SLC22A23: variants seen among roughly 807,000 people sequenced by gnomAD.
SLC22A23 encodes solute carrier family 22 member 23.
In SLC22A23, 26 loss-of-function variants were observed where a neutral mutation model predicts 61.0. The observed-to-expected ratio is 0.43, with a 90% confidence interval of 0.31 to 0.59. The LOEUF (loss-of-function observed/expected upper bound fraction) is 0.59. Ranked by LOEUF, SLC22A23 falls within the 20% of genes least tolerant of loss-of-function variation. The pLI is 0.11. For synonymous variants in SLC22A23, 430 were observed against 413.9 expected, an observed-to-expected ratio of 1.04 and a Z score of -0.47; for missense variants, 796 against 934.7, an observed-to-expected ratio of 0.85 and a Z score of 1.94.
intron 3 of SLC22A23, among the ~76,000 whole-genome samples, chr6:3,395,357 G>A (rs138849572): frequency 1.3e-5 from 2 of 152,214 alleles, no homozygotes; most frequent in East Asian, 1.9e-4. Context: ...ACATGCGTAC[G>A]GCAAACCCTA....
intron 4 of SLC22A23, among the ~76,000 whole-genome samples, chr6:3,299,883 T>G (rs1761453711): frequency 6.6e-6 from 1 of 152,134 alleles, no homozygotes; most frequent in Admixed American, 6.6e-5. Flanking sequence ...TAGCCCTCAG[T>G]GTTCTAGTTA....
intron 5 of SLC22A23, among the ~76,000 whole-genome samples, chr6:3,295,613 T>C (rs1581635511): frequency 1.3e-5 from 2 of 151,992 alleles, no homozygotes; most frequent in Non-Finnish European, 1.5e-5. Context: ...TCGGAGCAGG[T>C]GTTGGCTGTG....
chr6:3,439,072 G>C (rs1939910932), intron 1 of SLC22A23, among the ~76,000 whole-genome samples: 1 of 147,908 alleles, frequency 6.8e-6, no homozygotes, highest in African/African-American at 2.7e-5. Context: ...TTTGGGGCCG[G>C]ATCTGACCGG....
In SLC22A23 at chr6:3,320,348, G is replaced by A. The variant is rs140800094; in HGVS notation, c.1082+3486C>T. ...GATCCCTTCTGGCCAGTCCTCACAC[G>A]TTTGTCTTTACTGCCCCTACCCCAA... is the stretch of plus-strand genomic sequence containing the variant. On this transcript the variant is annotated intron_variant, in intron 4 of 9. Transcript: ENST00000406686. 7.9e-5 allele frequency among the ~76,000 whole-genome samples: 12 copies of A among 152,204 alleles called. No individual in the cohort carries two copies. The East Asian group carries it at 9.7e-4, about 12-fold the overall frequency.
chr6:3,447,869 T>G (rs1455011963), intron 1 of SLC22A23, among the ~76,000 whole-genome samples: 1 of 146,976 alleles, frequency 6.8e-6, no homozygotes, highest in Non-Finnish European at 1.5e-5. Context: ...ATTACAGGCA[T>G]GAGCTACCAT....
chr6:3,449,396 A>G (rs2032845200), intron 1 of SLC22A23, among the ~76,000 whole-genome samples: 1 of 152,230 alleles, frequency 6.6e-6, no homozygotes, highest in African/African-American at 2.4e-5. Context: ...AAACTCGAGG[A>G]AAATGGTTAC....
intron 3 of SLC22A23, among the ~76,000 whole-genome samples, chr6:3,405,080 GA>G (rs1768712463): frequency 6.6e-6 from 1 of 152,018 alleles, no homozygotes; most frequent in Non-Finnish European, 1.5e-5. Context: ...CCAACATAGT[GA>G]AACCCTGTCT....
intron 1 of SLC22A23, among the ~76,000 whole-genome samples, chr6:3,419,358 G>C (rs1317813982): frequency 6.6e-6 from 1 of 152,110 alleles, no homozygotes. Context: ...CTTCTGGTGT[G>C]GGCTTCCTAT....
chr6:3,275,193 T>G (rs903176707), intron 9 of SLC22A23, among the ~76,000 whole-genome samples: 1 of 152,230 alleles, frequency 6.6e-6, no homozygotes, highest in African/African-American at 2.4e-5. Flanking sequence ...TGACTGTAGA[T>G]GGAGGCAAAT....
intron 3 of SLC22A23, among the ~76,000 whole-genome samples, chr6:3,352,817 C>T (rs1764854181): frequency 6.6e-6 from 1 of 152,074 alleles, no homozygotes; most frequent in African/African-American, 2.4e-5. Flanking sequence ...AGTGCAAACC[C>T]AGAGCCAACA....
intron 1 of SLC22A23, among the ~76,000 whole-genome samples, chr6:3,455,457 C>T (rs1772349809): frequency 1.3e-5 from 2 of 152,320 alleles, no homozygotes; most frequent in African/African-American, 4.8e-5. Flanking sequence ...TTCTCTGGCT[C>T]TCCAGTTCTT....
At chr6:3,344,418 T>C (rs1368166946) in intron 3 of SLC22A23, among the ~76,000 whole-genome samples, 1 of 152,236 alleles carries the variant, frequency 6.6e-6, no homozygotes, top group Non-Finnish European at 1.5e-5. Context: ...CCTTCCCCTT[T>C]TCTAGCAGAA....
intron 3 of SLC22A23, among the ~76,000 whole-genome samples, chr6:3,407,930 A>T (rs933773481): frequency 2.0e-5 from 3 of 152,286 alleles, no homozygotes; most frequent in Non-Finnish European, 4.4e-5. Flanking sequence ...GAGAGGTCAG[A>T]ATTTAAAGCT....
At chr6:3,313,891 T>C (rs1352915789) in intron 4 of SLC22A23, among the ~76,000 whole-genome samples, 1 of 152,152 alleles carries the variant, frequency 6.6e-6, no homozygotes, top group Non-Finnish European at 1.5e-5. Flanking sequence ...TAGCTGGGCA[T>C]GGTGGCGCAT....
chr6:3,384,074 C>T (rs1439425287), intron 3 of SLC22A23, among the ~76,000 whole-genome samples: 1 of 152,140 alleles, frequency 6.6e-6, no homozygotes, highest in African/African-American at 2.4e-5. Flanking sequence ...AAAAACGGTG[C>T]CAGGCCAAAA....
rs867613142 is a variant in SLC22A23, at chr6:3,410,962, G to C, written c.759-620C>G. On this transcript the variant is annotated intron_variant, in intron 2 of 9. Coordinates refer to ENST00000406686, the MANE Select transcript of SLC22A23 (RefSeq NM_015482.2). This position sits in a 1 kb window ranked among gnomAD's most constrained non-coding sequence, Gnocchi z 5.0. ...CCAGTGACCTGATAGTGAGCTGACA[G>C]TGCAGCCCCTCGGCTGGACTGAGAG... Among the ~76,000 whole-genome samples, 1 of 152,248 alleles carries C rather than the reference G, an allele frequency of 6.6e-6. No homozygotes were observed. Among genetic ancestry groups the C allele is most frequent in the Non-Finnish European group, 1.5e-5 (1 of 68,038 alleles).
chr6:3,312,495 C>T (rs182215138), intron 4 of SLC22A23: 2 of 152,318 alleles, frequency 1.3e-5, no homozygotes, highest in Admixed American at 1.3e-4. Flanking sequence ...ATTTTATCCA[C>T]ACCTCTATGA....
intron 3 of SLC22A23, among the ~76,000 whole-genome samples, chr6:3,326,692 G>A (rs1003901888): frequency 6.6e-6 from 1 of 152,208 alleles, no homozygotes. Context: ...AAAACACAGC[G>A]GCTTGATGTA....
At chr6:3,389,661 C>T (rs946178742) in intron 3 of SLC22A23, among the ~76,000 whole-genome samples, 3 of 152,242 alleles carry the variant, frequency 2.0e-5, no homozygotes, top group African/African-American at 7.2e-5. Context: ...CTCCATGAAG[C>T]CCTAAACTCC....
Sources: allele counts gnomAD v4.1 joint callset (sites outside exome capture counted in the v4.1 genomes callset), GRCh38; gene constraint gnomAD v4.1.1; non-coding constraint Gnocchi (gnomAD v3.1); transcripts MANE v1.5; gene names NCBI Gene and HGNC (gene_info 2026-07-23, HGNC 2026-07-21).